Variants in PRPF31 observed in about 807,000 individuals in gnomAD.
The protein encoded by PRPF31 is pre-mRNA processing factor 31, also known as U4/U6 small nuclear ribonucleoprotein Prp31.
Under a neutral mutation model 60.4 loss-of-function variants are expected in PRPF31, and 12 were observed. That is an observed-to-expected ratio of 0.20 (90% CI 0.13 to 0.32). The LOEUF (loss-of-function observed/expected upper bound fraction) is 0.32, where lower values mean the gene tolerates loss of function less well. Among genes scored for constraint, PRPF31 ranks in the 10% least tolerant of loss-of-function variants. The pLI is 1.00. For synonymous variants in PRPF31, 287 were observed against 287.9 expected (o/e 1.00, Z 0.03); for missense variants, 431 against 687.1 (o/e 0.63, Z 4.17).
chr19:54,124,447 CCTCT>C, intron 7 of PRPF31, 48 bp from the exon 8 acceptor site: 1 of 1,481,316 alleles, frequency 6.8e-7, no homozygotes, highest in Non-Finnish European at 9.3e-7. Context: ...CTCACCCCCA[CCTCT>C]CTGCTTTCTT....
At chr19:54,122,018 T>C in intron 4 of PRPF31, 75 bp downstream of exon 4, 1 of 1,448,246 alleles carries the variant, frequency 6.9e-7, no homozygotes, top group Non-Finnish European at 9.5e-7. Context: ...CCACTGGCCT[T>C]TCCCAGGGTC....
chr19:54,123,293 G>C, intron 5 of PRPF31, 161 bp from the exon 6 acceptor site: 1 of 699,846 alleles, frequency 1.4e-6, no homozygotes, highest in East Asian at 2.7e-5. Flanking sequence ...GGCAGGAATG[G>C]TGTGGATGCT....
rs1568603807 is a variant in PRPF31 at position 54,131,674 on chromosome 19, A to AT, written c.*248dup. Reference sequence around the variant, plus strand: ...TTGTCTTTTTTAACTGAGAAAGGAGATTTTTTGAAAAGAGTACAATTAAAA... The same window carrying AT: ...TTGTCTTTTTTAACTGAGAAAGGAGATTTTTTTGAAAAGAGTACAATTAAAA... On this transcript the variant is annotated 3_prime_UTR_variant, in exon 14 of 14. Transcript: ENST00000321030. 4 of 603,400 alleles carry AT rather than the reference A, an allele frequency of 6.6e-6. No individual in the cohort carries two copies. The East Asian group carries it at 8.4e-5, about 13-fold the overall frequency. 37.4% of individuals were successfully genotyped at this position (603,400 alleles called of 1,614,324 possible). A position where few individuals can be genotyped will look rare whatever the true frequency, so the allele number is the denominator to read the frequency against.
At chr19:54,118,834 G>T (rs2073717213) in intron 3 of PRPF31, 1 of 613,822 alleles carries the variant, frequency 1.6e-6, no homozygotes, top group Non-Finnish European at 2.9e-6. Context: ...AGTCCTTCCT[G>T]TGTGCTGAGC....
In PRPF31 at chr19:54,124,562, C is replaced by T. The variant is rs1173171842; in HGVS notation, c.761C>T (p.Ala254Val). The T allele has an allele frequency of 2.5e-6, 4 of 1,612,818 alleles. No individual in the cohort carries two copies. The Admixed American group carries it at 6.7e-5, about 27-fold the overall frequency. Residue 254 changes from alanine (A) to valine (V), a missense_variant, in exon 8 of 14, where the codon GCC (alanine) becomes GTC (valine). Ala to Val is a moderately conservative substitution (Grantham distance 64). Around this residue, in one of 4 missense-constraint regions of PRPF31, gnomAD observed 314 missense variants for 475.3 expected, o/e 0.66. Transcript: ENST00000321030. Reference protein sequence around the residue: ...MPACNIMLLGAQRKTLSGFSS... With the variant: ...MPACNIMLLGVQRKTLSGFSS... ...GCCTGCAACATCATGCTGCTCGGGG[C>T]CCAGCGCAAGACGCTGTCGGGCTTC... is the stretch of plus-strand genomic sequence containing the variant.
rs201258132 is a variant in PRPF31 at position 54,123,599 on chromosome 19, A to T, written c.527+39A>T. On this transcript the variant is annotated intron_variant, in intron 6 of 13. Coordinates refer to ENST00000321030, the MANE Select transcript of PRPF31 (RefSeq NM_015629.4). ...GAGGGAGGCGCCGGGCCCTAATGGG[A>T]TTGGGGATTAGGCTGGAGCTACACA... The T allele has an allele frequency of 3.5e-5, 57 of 1,610,024 alleles. 1 individual carries two copies. In the Middle Eastern group the frequency reaches 6.6e-4, roughly 19 times the overall value.
At chr19:54,117,064 C>T (rs1472466976) in intron 1 of PRPF31, among the ~76,000 whole-genome samples, 2 of 151,948 alleles carry the variant, frequency 1.3e-5, no homozygotes, top group African/African-American at 4.8e-5. Flanking sequence ...CACTGCACTG[C>T]AGCCTAGGTG....
At chr19:54,127,592 CAGGAT>C (rs2073950476) in intron 9 of PRPF31, among the ~76,000 whole-genome samples, 1 of 152,190 alleles carries the variant, frequency 6.6e-6, no homozygotes, top group African/African-American at 2.4e-5. Flanking sequence ...CCTTCCACAC[CAGGAT>C]CTGTCCCCGC....
In PRPF31 at chr19:54,131,440, CGT is replaced by C. The variant is rs2074045574; in HGVS notation, c.*13_*14del. The C allele has an allele frequency of 6.2e-7, 1 of 1,613,884 alleles. No individual in the cohort carries two copies. Among genetic ancestry groups the C allele is most frequent in the Non-Finnish European group, 8.5e-7 (1 of 1,179,976 alleles). ...GGCCTTATGTCCACCTGAATGACTG[CGT>C]GTGTCCAAGGTGGCTTCCCACTGAA... On this transcript the variant is annotated 3_prime_UTR_variant, in exon 14 of 14. Coordinates refer to ENST00000321030, the MANE Select transcript of PRPF31 (RefSeq NM_015629.4).
chr19:54,116,091 C>G (rs1021880019), intron 1 of PRPF31, among the ~76,000 whole-genome samples: 2 of 150,994 alleles, frequency 1.3e-5, no homozygotes, highest in East Asian at 3.9e-4. Context: ...TTAGTAGAGA[C>G]GGGGTTTCCC....
chr19:54,122,975 G>C (rs1027304586), intron 5 of PRPF31: 29 of 464,544 alleles, frequency 6.2e-5, no homozygotes, highest in Non-Finnish European at 8.7e-5. Flanking sequence ...GGGGAAGGAG[G>C]GGACGGGGAA....
rs1258534860 is a variant in PRPF31, at chr19:54,128,159, T to G, written c.1032T>G (p.Pro344=). 1.9e-6 allele frequency: 3 copies of G among 1,563,442 alleles called. No individual in the cohort carries two copies. In the Middle Eastern group the frequency reaches 6.8e-4, roughly 353 times the overall value. Residue 344 remains proline (P), a synonymous_variant, in exon 10 of 14, where the codon CCT becomes CCG. Coordinates refer to ENST00000321030, the MANE Select transcript of PRPF31 (RefSeq NM_015629.4). ...CTGTGAAGCAGGTGAAGCCGCTGCC[T>G]GCGCCCCTGGATGGACAGCGGAAGA... ...PPPVKQVKPL[P]APLDGQRKKR... is the part of the protein sequence containing the mutation.
In PRPF31 at chr19:54,123,513, C is replaced by T. The variant is rs1216490505; in HGVS notation, c.480C>T (p.Thr160=). 3 of 1,614,116 alleles carry T rather than the reference C, an allele frequency of 1.9e-6. No homozygotes were observed. Among genetic ancestry groups the T allele is most frequent in the African/African-American group, 2.7e-5 (2 of 74,932 alleles). The change falls in exon 6 of 14, where the codon ACC becomes ACT. Residue 160 remains threonine (T), a synonymous_variant. Transcript: ENST00000321030. The part of the protein sequence containing the change: ...KNNENLQQIL[T]NATIMVVSVT... Reference sequence around the variant, plus strand: ...ATGAGAACCTGCAGCAGATCCTCACCAATGCCACCATCATGGTCGTCAGCG... The same window carrying T: ...ATGAGAACCTGCAGCAGATCCTCACTAATGCCACCATCATGGTCGTCAGCG...
rs1333248813 is a variant in PRPF31, at chr19:54,118,639, T to C, written c.238+6T>C. The C allele has an allele frequency of 6.2e-7, 1 of 1,613,884 alleles. No homozygotes were observed. On this transcript the variant is annotated splice_donor_region_variant and intron_variant, in intron 3 of 13. Transcript: ENST00000321030. ...GCAAGCCAAAGCTTCAGAAGGTGCTTCCTCCCACTCTGTGCCCCTCCCCAT... is the reference window on the plus strand; with the variant it reads ...GCAAGCCAAAGCTTCAGAAGGTGCTCCCTCCCACTCTGTGCCCCTCCCCAT...
chr19:54,127,996 CGGG>C, intron 9 of PRPF31, 74 bp from the exon 10 acceptor site: 1 of 1,542,596 alleles, frequency 6.5e-7, no homozygotes, highest in South Asian at 1.2e-5. Flanking sequence ...CGTGGATACT[CGGG>C]GGGCCCGCTC....
intron 3 of PRPF31, chr19:54,118,939 A>C: frequency 2.3e-6 from 1 of 442,752 alleles, no homozygotes; most frequent in South Asian, 5.2e-5. Flanking sequence ...TAAGCCGCTT[A>C]TCCTATTATT....
At chr19:54,128,506 C>CG (rs1176036521) in intron 11 of PRPF31, 129 bp downstream of exon 11, 32 of 940,578 alleles carry the variant, frequency 3.4e-5, no homozygotes, top group Non-Finnish European at 4.6e-5. Context: ...CCAGCCTCCC[C>CG]CCCCCCGGCC....
chr19:54,119,395 A>C (rs1429181127), intron 3 of PRPF31: 1 of 151,034 alleles, frequency 6.6e-6, no homozygotes, highest in Non-Finnish European at 1.5e-5. Context: ...AAAAAAAAAA[A>C]TAACCTAAAA....
At chr19:54,129,207 G>A in intron 12 of PRPF31, 22 bp downstream of exon 12, 1 of 1,594,962 alleles carries the variant, frequency 6.3e-7, no homozygotes, top group Non-Finnish European at 8.5e-7. Flanking sequence ...ACCCAGGTGG[G>A]GCTGGGGACC....
Sources: gnomAD v4.1 joint callset for allele counts (sites outside exome capture counted in the v4.1 genomes callset) on GRCh38, gnomAD v4.1.1 for gene constraint, gnomAD v4.1.1 regional missense constraint, MANE v1.5 for transcripts, NCBI Gene and HGNC (gene_info 2026-07-23, HGNC 2026-07-21) for gene names.